Variants in ITPRID1 observed in about 807,000 individuals in gnomAD.
ITPRID1 encodes ITPR interacting domain containing 1.
Under a neutral mutation model 95.4 loss-of-function variants are expected in ITPRID1, and 96 were observed. The observed-to-expected ratio is 1.01, with a 90% CI of 0.85 to 1.19. The LOEUF is 1.19. ITPRID1 is among the 50% of genes most tolerant of loss of function. The probability of loss-of-function intolerance (pLI) is 0.00; values close to 1 mark genes in which losing one functional copy is unlikely to be tolerated. For missense variants in ITPRID1, 1,339 were observed against 1,252.9 expected, an observed-to-expected ratio of 1.07 and a Z score of -1.04; for synonymous variants, 510 against 453.6, an observed-to-expected ratio of 1.12 and a Z score of -1.58.
chr7:31,517,708 T>G (rs541973570), intron 1 of ITPRID1: 1 of 152,748 alleles, frequency 6.5e-6, no homozygotes, highest in South Asian at 2.1e-4. Flanking sequence ...CACCTCACCG[T>G]TAGCAGAGGG....
chr7:31,656,615 G>A, downstream of ITPRID1: 1 of 421,236 alleles, frequency 2.4e-6, no homozygotes, highest in South Asian at 1.0e-4. Context: ...TCAGTCTCAG[G>A]AGACAATGAA....
At position 31,656,489 on chromosome 7, in the gene ITPRID1, T is replaced by C. The variant is rs1791312041; in HGVS notation, c.*3660T>C. ...ACAAGTGCACATACCAAGAACTCAATAAATGCTAACTGTAATTACTGTCTT... is the reference window on the plus strand; with the variant it reads ...ACAAGTGCACATACCAAGAACTCAACAAATGCTAACTGTAATTACTGTCTT... On this transcript the variant is annotated 3_prime_UTR_variant, in exon 15 of 15. Coordinates refer to ENST00000615280, the MANE Select transcript of ITPRID1 (RefSeq NM_001257967.3). 1 of 982,506 alleles carries C rather than the reference T, an allele frequency of 1.0e-6. No individual in the cohort carries two copies. The highest frequency in any genetic ancestry group is 1.2e-6 in the Non-Finnish European group (1 of 827,668). 60.9% of individuals were successfully genotyped at this position (982,506 alleles called of 1,614,324 possible).
At chr7:31,657,835 G>A (rs1791370627), downstream of ITPRID1, among the ~76,000 whole-genome samples, 1 of 151,930 alleles carries the variant, frequency 6.6e-6, no homozygotes, top group Admixed American at 6.6e-5. Context: ...CAAGTTTAGA[G>A]TCGTCTCATT....
Position 31,643,480 on chromosome 7 carries a change from A to C in ITPRID1, c.2110A>C (p.Ser704Arg). Residue 704 changes from serine to arginine, a missense_variant, in exon 12 of 15, where the codon AGC becomes CGC. By Grantham distance (110) the Ser-to-Arg change is moderately radical (BLOSUM62 -1). Coordinates refer to ENST00000615280, the MANE Select transcript of ITPRID1 (RefSeq NM_001257967.3). ...EMENLPLNTG[S>R]SRSVMTQMSS... ...GGAAAACCTTCCTCTAAATACTGGC[A>C]GCTCCAGGTCTGTAATGACCCAGAT... 1 of 1,614,040 alleles carries C rather than the reference A, an allele frequency of 6.2e-7. No homozygotes were observed. The highest frequency in any genetic ancestry group is 8.5e-7 in the Non-Finnish European group (1 of 1,179,902).
chr7:31,542,943 AT>A (rs912916255), intron 1 of ITPRID1, among the ~76,000 whole-genome samples: 3 of 152,108 alleles, frequency 2.0e-5, no homozygotes, highest in African/African-American at 7.2e-5. Flanking sequence ...TTAAGCACTT[AT>A]TTTTCTTAGG....
At chr7:31,519,620 C>CTCTCTATATATATATATATATATATA in intron 1 of ITPRID1, among the ~76,000 whole-genome samples, 2 of 25,268 alleles carry the variant, frequency 7.9e-5, no homozygotes. Flanking sequence ...CTCTCTCTCT[C>CTCTCTATATATATATATATATATATA]TATATATATA....
chr7:31,516,933 T>A (rs528329378), intron 1 of ITPRID1, among the ~76,000 whole-genome samples: 2 of 152,242 alleles, frequency 1.3e-5, no homozygotes, highest in South Asian at 2.1e-4. Context: ...CGTTCGGACC[T>A]GTCCGGAGTT....
intron 10 of ITPRID1, among the ~76,000 whole-genome samples, chr7:31,635,444 C>T (rs900360522): frequency 6.6e-6 from 1 of 152,200 alleles, no homozygotes; most frequent in African/African-American, 2.4e-5. Flanking sequence ...ATGCCCAATT[C>T]CACCATTTGA....
chr7:31,603,029 A>T (rs1478906079), intron 10 of ITPRID1, among the ~76,000 whole-genome samples: 1 of 151,330 alleles, frequency 6.6e-6, no homozygotes, highest in Non-Finnish European at 1.5e-5. Flanking sequence ...CTGGCTGCCC[A>T]TGTCTTGGGG....
At chr7:31,645,440 G>C (rs149681130) in intron 12 of ITPRID1, among the ~76,000 whole-genome samples, 3 of 152,244 alleles carry the variant, frequency 2.0e-5, no homozygotes, top group South Asian at 2.1e-4. Context: ...GTAAGAGAAA[G>C]CTTCATTTAG....
chr7:31,620,336 G>T (rs960011357), intron 10 of ITPRID1, among the ~76,000 whole-genome samples: 7 of 152,086 alleles, frequency 4.6e-5, no homozygotes, highest in Non-Finnish European at 1.0e-4. Flanking sequence ...TGACCCCTGA[G>T]CAGCCTAACT....
intron 10 of ITPRID1, among the ~76,000 whole-genome samples, chr7:31,588,998 CAATT>C (rs1168389872): frequency 1.1e-4 from 17 of 151,764 alleles, no homozygotes; most frequent in Non-Finnish European, 1.8e-4. Flanking sequence ...AGAAAAATGG[CAATT>C]AATGAAGACA....
At chr7:31,649,492 T>G (rs112725809) in intron 12 of ITPRID1, among the ~76,000 whole-genome samples, 86 of 152,312 alleles carry the variant, frequency 5.6e-4, no homozygotes, top group African/African-American at 2.0e-3. Context: ...CTACAAGGAA[T>G]GCTGGGAAAT....
chr7:31,610,730 A>G (rs1786828733), intron 10 of ITPRID1, among the ~76,000 whole-genome samples: 2 of 151,574 alleles, frequency 1.3e-5, no homozygotes, highest in Admixed American at 1.3e-4. Context: ...CTTATTGTCT[A>G]TATAATAGGT....
intron 10 of ITPRID1, among the ~76,000 whole-genome samples, chr7:31,614,647 G>T (rs1787037551): frequency 6.6e-6 from 1 of 152,146 alleles, no homozygotes; most frequent in Admixed American, 6.5e-5. Context: ...GATTAACTGA[G>T]ATAATTTCAC....
At chr7:31,594,054 C>T (rs1029435021) in intron 10 of ITPRID1, among the ~76,000 whole-genome samples, 33 of 152,184 alleles carry the variant, frequency 2.2e-4, no homozygotes, top group African/African-American at 7.5e-4. Context: ...ACATATACAG[C>T]AGTGGTCCTA....
At chr7:31,602,040 G>C (rs11983568) in intron 10 of ITPRID1, among the ~76,000 whole-genome samples, 1 of 149,936 alleles carries the variant, frequency 6.7e-6, no homozygotes, top group Non-Finnish European at 1.5e-5. Flanking sequence ...ATGATAAGGG[G>C]TTTTTTTTTT....
intron 10 of ITPRID1, 32 bp from the exon 11 acceptor site, chr7:31,642,144 T>G (rs759049949): frequency 1.3e-6 from 2 of 1,513,568 alleles, no homozygotes; most frequent in Non-Finnish European, 9.0e-7. Context: ...TGTTTTCCCT[T>G]TAATAACCTC....
chr7:31,639,936 A>G (rs1789869437), intron 10 of ITPRID1, among the ~76,000 whole-genome samples: 1 of 152,112 alleles, frequency 6.6e-6, no homozygotes, highest in Non-Finnish European at 1.5e-5. Context: ...TCTCCTCATA[A>G]TGGATCATAT....
Sources: gnomAD v4.1 joint callset for allele counts (sites outside exome capture counted in the v4.1 genomes callset) on GRCh38, gnomAD v4.1.1 for gene constraint, MANE v1.5 for transcripts, NCBI Gene and HGNC (gene_info 2026-07-23, HGNC 2026-07-21) for gene names.